MAPK10: variants seen among roughly 807,000 people sequenced by gnomAD.
The protein encoded by MAPK10 is JNK3 alpha protein kinase.
Under a neutral mutation model 59.3 loss-of-function variants are expected in MAPK10, and 25 were observed. The ratio of observed to expected loss-of-function variants is 0.42; its 90% CI spans 0.31 to 0.59. The LOEUF (loss-of-function observed/expected upper bound fraction) is 0.59. Ranked by LOEUF, MAPK10 falls within the 20% of genes least tolerant of loss-of-function variation. The pLI, the probability that MAPK10 is intolerant of heterozygous loss-of-function variation, is 0.15. For synonymous variants in MAPK10, 190 were observed against 200.5 expected (o/e 0.95, Z 0.44); for missense variants, 351 against 568.9 (o/e 0.62, Z 3.90).
At chr4:86,157,189 A>T (rs1343588126) in intron 4 of MAPK10, among the ~76,000 whole-genome samples, 1 of 152,002 alleles carries the variant, frequency 6.6e-6, no homozygotes. Flanking sequence ...TAAAAACCCA[A>T]TAACAAGTTT....
At chr4:86,046,021 T>C (rs1411021810) in intron 11 of MAPK10, among the ~76,000 whole-genome samples, 1 of 151,728 alleles carries the variant, frequency 6.6e-6, no homozygotes, top group African/African-American at 2.4e-5. Context: ...GGACAAAGAA[T>C]TGAGAATAAA....
chr4:86,348,230 C>T (rs1729262854), intron 2 of MAPK10, among the ~76,000 whole-genome samples: 1 of 152,114 alleles, frequency 6.6e-6, no homozygotes, highest in Non-Finnish European at 1.5e-5. Flanking sequence ...GAAGACAGCA[C>T]AGTAATAAGC....
chr4:86,126,346 C>A (rs974666311), intron 4 of MAPK10, among the ~76,000 whole-genome samples: 3 of 152,020 alleles, frequency 2.0e-5, no homozygotes, highest in African/African-American at 7.2e-5. Context: ...TTATTTGTAT[C>A]ATAATTATGA....
At chr4:86,426,980 G>A (rs1018633345) in intron 1 of MAPK10, among the ~76,000 whole-genome samples, 1 of 151,762 alleles carries the variant, frequency 6.6e-6, no homozygotes, top group Non-Finnish European at 1.5e-5. Flanking sequence ...AGCTATGGCC[G>A]GGCGCAGTGA....
chr4:86,313,351 T>C (rs1012268798), intron 2 of MAPK10, among the ~76,000 whole-genome samples: 1 of 152,006 alleles, frequency 6.6e-6, no homozygotes, highest in Non-Finnish European at 1.5e-5. Flanking sequence ...AGAACACACA[T>C]AAAAGCAATA....
intron 4 of MAPK10, among the ~76,000 whole-genome samples, chr4:86,134,990 C>T (rs750557806): frequency 3.3e-5 from 5 of 152,206 alleles, no homozygotes; most frequent in Non-Finnish European, 5.9e-5. Context: ...GCTTAAAAAA[C>T]GGCGCACCAC....
chr4:86,174,953 C>A lies in MAPK10; in HGVS notation c.67-15486G>T, dbSNP rs542233989. On this transcript the variant is annotated intron_variant, in intron 3 of 13. Transcript: ENST00000641462. ...GGATCAAACTTTTTCAAGTTATGGGCCTCATTATCACAATGATCTAGACTA... is the reference window on the plus strand; with the variant it reads ...GGATCAAACTTTTTCAAGTTATGGGACTCATTATCACAATGATCTAGACTA... Among the ~76,000 whole-genome samples, 3 of 152,068 alleles carry A rather than the reference C, an allele frequency of 2.0e-5. No homozygotes were observed. In the East Asian group the frequency reaches 5.8e-4, roughly 30 times the overall value.
intron 1 of MAPK10, among the ~76,000 whole-genome samples, chr4:86,447,648 A>G (rs1230095007): frequency 6.6e-6 from 1 of 151,950 alleles, no homozygotes; most frequent in Admixed American, 6.6e-5. Flanking sequence ...CGATACAAAC[A>G]CTGGTGCTTT....
chr4:86,185,553 T>G lies in MAPK10; in HGVS notation c.66+8783A>C, dbSNP rs549061408. Among the ~76,000 whole-genome samples the G allele has an allele frequency of 7.9e-5, 12 of 152,268 alleles. No homozygotes were observed. In the East Asian group the frequency reaches 2.1e-3, roughly 27 times the overall value. The stretch of plus-strand genomic sequence containing the variant: ...TTTTAGTTTTAGTCAAGGAGTGACA[T>G]GATCTCAATTATTTTTCAAAGACAA... On this transcript the variant is annotated intron_variant, in intron 3 of 13. Transcript: ENST00000641462.
chr4:86,183,644 G>A (rs1294984182), intron 3 of MAPK10, among the ~76,000 whole-genome samples: 1 of 152,030 alleles, frequency 6.6e-6, no homozygotes, highest in East Asian at 1.9e-4. Flanking sequence ...TAATCCTTTG[G>A]GTATATACCC....
chr4:86,160,623 T>C (rs2069271641), intron 3 of MAPK10: 12 of 151,984 alleles, frequency 7.9e-5, no homozygotes, highest in Admixed American at 5.9e-4. Flanking sequence ...CTACAAGAAG[T>C]GAGATGTGAG....
intron 2 of MAPK10, among the ~76,000 whole-genome samples, chr4:86,298,628 T>C (rs1315574603): frequency 1.3e-5 from 2 of 152,232 alleles, no homozygotes; most frequent in Admixed American, 1.3e-4. Context: ...GTGCCAGGCA[T>C]ATAGTAGACA....
chr4:86,067,243 G>A (rs1275376026), intron 10 of MAPK10, among the ~76,000 whole-genome samples: 6 of 152,132 alleles, frequency 3.9e-5, no homozygotes, highest in Non-Finnish European at 5.9e-5. Context: ...CTAGGTTCAA[G>A]CGACTCTCCT....
chr4:86,136,788 C>T (rs1434484913), intron 4 of MAPK10, among the ~76,000 whole-genome samples: 1 of 151,504 alleles, frequency 6.6e-6, no homozygotes, highest in South Asian at 2.1e-4. Flanking sequence ...TTCAGGAAAC[C>T]CATCTCACGT....
At chr4:86,075,979 GC>G (rs1403602885) in intron 9 of MAPK10, among the ~76,000 whole-genome samples, 1 of 151,712 alleles carries the variant, frequency 6.6e-6, no homozygotes, top group Non-Finnish European at 1.5e-5. Context: ...AATGGCGGGC[GC>G]CCCTCCCCCA....
At chr4:86,548,227 T>G (rs765896391) in intron 1 of MAPK10, among the ~76,000 whole-genome samples, 1 of 151,680 alleles carries the variant, frequency 6.6e-6, no homozygotes, top group East Asian at 1.9e-4. Flanking sequence ...ACGCGCTGCC[T>G]TAAGAGCTGT....
intron 1 of MAPK10, among the ~76,000 whole-genome samples, chr4:86,403,595 C>T (rs1743988948): frequency 6.6e-6 from 1 of 152,154 alleles, no homozygotes; most frequent in African/African-American, 2.4e-5. Flanking sequence ...AATTGGCTCA[C>T]AGTTCCACAT....
At chr4:86,185,501 A>T (rs560204935) in intron 3 of MAPK10, among the ~76,000 whole-genome samples, 2 of 152,112 alleles carry the variant, frequency 1.3e-5, no homozygotes, top group African/African-American at 2.4e-5. Flanking sequence ...GTGAGATAGG[A>T]AGACATTGAA....
At chr4:86,380,023 G>T (rs2149000221) in intron 1 of MAPK10, among the ~76,000 whole-genome samples, 1 of 152,172 alleles carries the variant, frequency 6.6e-6, no homozygotes, top group South Asian at 2.1e-4. Flanking sequence ...ATCACCTGAG[G>T]TCAGGAGTTT....
Sources: gnomAD v4.1 joint callset for allele counts (sites outside exome capture counted in the v4.1 genomes callset) on GRCh38, gnomAD v4.1.1 for gene constraint, MANE v1.5 for transcripts, NCBI Gene and HGNC (gene_info 2026-07-23, HGNC 2026-07-21) for gene names.